USP25: variants seen among roughly 807,000 people sequenced by gnomAD.
USP25 encodes ubiquitin specific peptidase 25.
Under a neutral mutation model 158.5 loss-of-function variants are expected in USP25, and 85 were observed. That is an observed-to-expected ratio of 0.54 (90% CI 0.45 to 0.64). The LOEUF (loss-of-function observed/expected upper bound fraction) is 0.64. Ranked by LOEUF, USP25 falls within the 30% of genes least tolerant of loss-of-function variation. USP25 has a pLI of 0.00. For synonymous variants in USP25, 464 were observed against 460.4 expected (o/e 1.01, Z -0.10); for missense variants, 1,242 against 1,327.3 (o/e 0.94, Z 1.00).
chr21:15,873,780 G>C (rs138128832), intron 23 of USP25, among the ~76,000 whole-genome samples: 8,650 of 152,132 alleles, frequency 0.057, 265 homozygotes, highest in Middle Eastern at 0.096. Flanking sequence ...GGTGTGAGCC[G>C]CCGCACCCGG....
chr21:15,820,956 A>T (rs2037201980), intron 10 of USP25, among the ~76,000 whole-genome samples: 1 of 151,982 alleles, frequency 6.6e-6, no homozygotes, highest in South Asian at 2.1e-4. Context: ...GTTAAACATG[A>T]TTATATCCAA....
At chr21:15,739,365 G>A (rs540731949) in intron 1 of USP25, among the ~76,000 whole-genome samples, 22 of 152,160 alleles carry the variant, frequency 1.4e-4, no homozygotes, top group Non-Finnish European at 2.1e-4. Flanking sequence ...TTAACTAAAA[G>A]ATATTGTAGT....
chr21:15,730,884 G>GGGC (rs756579398), intron 1 of USP25, among the ~76,000 whole-genome samples: 3 of 151,978 alleles, frequency 2.0e-5, no homozygotes, highest in Admixed American at 6.5e-5. Context: ...CTGCCTCGCG[G>GGGC]GGCAGGCGTG....
At chr21:15,791,941 G>A (rs919614868) in intron 5 of USP25, among the ~76,000 whole-genome samples, 1 of 151,584 alleles carries the variant, frequency 6.6e-6, no homozygotes, top group Non-Finnish European at 1.5e-5. Context: ...TTGTTGGGGT[G>A]GAAAGAGTTT....
intron 1 of USP25, among the ~76,000 whole-genome samples, chr21:15,741,920 CTT>C (rs888744052): frequency 7.9e-5 from 12 of 152,262 alleles, no homozygotes; most frequent in Non-Finnish European, 1.3e-4. Flanking sequence ...AAATTTATCT[CTT>C]TAACAATTAA....
chr21:15,756,051 GA>G (rs2033352676), intron 1 of USP25, among the ~76,000 whole-genome samples: 1 of 152,172 alleles, frequency 6.6e-6, no homozygotes, highest in Non-Finnish European at 1.5e-5. Context: ...TTGTTATATA[GA>G]TAAAGTCTCT....
At chr21:15,783,611 T>C (rs1297912542) in intron 4 of USP25, among the ~76,000 whole-genome samples, 1 of 151,522 alleles carries the variant, frequency 6.6e-6, no homozygotes, top group Non-Finnish European at 1.5e-5. Flanking sequence ...AAATAAAATA[T>C]AAAAATAAAA....
At chr21:15,874,963 G>A (rs905028091) in intron 24 of USP25, among the ~76,000 whole-genome samples, 1 of 152,086 alleles carries the variant, frequency 6.6e-6, no homozygotes, top group Non-Finnish European at 1.5e-5. Flanking sequence ...TCAGGAGATC[G>A]AGACCATCCT....
intron 1 of USP25, among the ~76,000 whole-genome samples, chr21:15,738,046 T>C (rs993984859): frequency 6.6e-6 from 1 of 152,204 alleles, no homozygotes. Context: ...GTAAATGATT[T>C]TAAAAAGTTC....
Position 15,831,402 on chromosome 21 carries a change from T to C in USP25, c.1766T>C (p.Val589Ala). 6.2e-7 allele frequency: 1 copy of C among 1,613,880 alleles called. No individual in the cohort carries two copies. Among genetic ancestry groups the C allele is most frequent in the Non-Finnish European group, 8.5e-7 (1 of 1,179,794 alleles). ...LMYSDKSMIQVPYRLHAVLVH... is the reference protein window; with the variant it reads ...LMYSDKSMIQAPYRLHAVLVH... The stretch of plus-strand genomic sequence containing the variant: ...AACTCTTCTTTTTTTCACATTTAGG[T>C]TCCTTATCGATTACATGCCGTTTTA... Residue 589 changes from valine (V) to alanine (A), a missense_variant and splice_region_variant, in exon 16 of 26, where the codon GTT becomes GCT. By Grantham distance (64) the Val-to-Ala change is moderately conservative (BLOSUM62 0). Around this residue, in one of 3 missense-constraint regions of USP25, gnomAD observed 627 missense variants for 701.4 expected, o/e 0.89. Transcript: ENST00000400183.
chr21:15,839,000 G>GA (rs2038198133), intron 17 of USP25, among the ~76,000 whole-genome samples: 1 of 152,130 alleles, frequency 6.6e-6, no homozygotes, highest in South Asian at 2.1e-4. Flanking sequence ...AGCATGGCCG[G>GA]AAAATCACTC....
chr21:15,816,020 G>A lies in USP25; in HGVS notation c.932-2678G>A, dbSNP rs930328496. Among the ~76,000 whole-genome samples the A allele has an allele frequency of 6.6e-6, 1 of 152,168 alleles. No individual in the cohort carries two copies. ...AGGACATGAGATTTGGAGGGGCTAGGGCTGGAATGATGTGGTTCAGCTGTG... is the reference window on the plus strand; with the variant it reads ...AGGACATGAGATTTGGAGGGGCTAGAGCTGGAATGATGTGGTTCAGCTGTG... On this transcript the variant is annotated intron_variant, in intron 9 of 25. Transcript: ENST00000400183. This position sits in a 1 kb window ranked among gnomAD's most constrained non-coding sequence, Gnocchi z 4.0.
intron 23 of USP25, 46 bp downstream of exon 23, chr21:15,870,193 T>C (rs374472380): frequency 5.7e-6 from 8 of 1,414,804 alleles, no homozygotes; most frequent in Non-Finnish European, 7.9e-6. Flanking sequence ...TTTTTGCACT[T>C]AATTCTATTC....
chr21:15,751,041 G>A (rs2032977694), intron 1 of USP25, among the ~76,000 whole-genome samples: 1 of 152,206 alleles, frequency 6.6e-6, no homozygotes, highest in Non-Finnish European at 1.5e-5. Flanking sequence ...TAGAACAAAG[G>A]AGATTTGGTG....
chr21:15,870,642 A>G (rs2039846920), intron 23 of USP25, among the ~76,000 whole-genome samples: 1 of 152,226 alleles, frequency 6.6e-6, no homozygotes. Context: ...ATTTTGCTTT[A>G]CTTACATTTT....
chr21:15,761,511 G>A (rs1460519852), intron 1 of USP25, among the ~76,000 whole-genome samples: 2 of 152,190 alleles, frequency 1.3e-5, no homozygotes, highest in African/African-American at 4.8e-5. Context: ...AAGCATATAT[G>A]CACTAAGAGG....
At position 15,866,253 on chromosome 21, in the gene USP25, G is replaced by GTT; in HGVS notation, c.2727-5_2727-4dup. 1.8e-5 allele frequency: 26 copies of GTT among 1,471,438 alleles called. No homozygotes were observed. The highest frequency in any genetic ancestry group is 5.7e-5 in the African/African-American group (4 of 70,534). The allele number at this position is 1,471,438 out of a possible 1,614,324, so 91.1% of individuals were successfully genotyped here. On this transcript the variant is annotated splice_polypyrimidine_tract_variant and intron_variant, in intron 21 of 25. Coordinates refer to ENST00000400183, the MANE Select transcript of USP25 (RefSeq NM_001283041.3). Reference sequence around the variant, plus strand: ...CATACACACACGCTCATATGTATGTGTTTTTTTTTAAGGTGTCACAACATA... The same window carrying GTT: ...CATACACACACGCTCATATGTATGTGTTTTTTTTTTTAAGGTGTCACAACATA...
intron 17 of USP25, among the ~76,000 whole-genome samples, chr21:15,840,198 A>G (rs767652492): frequency 2.0e-5 from 3 of 152,122 alleles, no homozygotes; most frequent in Non-Finnish European, 2.9e-5. Context: ...TTCAAGACTC[A>G]TCTAAGTTAG....
At chr21:15,809,995 G>A (rs1377957527) in intron 8 of USP25, among the ~76,000 whole-genome samples, 1 of 152,104 alleles carries the variant, frequency 6.6e-6, no homozygotes, top group African/African-American at 2.4e-5. Context: ...AGGCTGGGGG[G>A]AGGGGGAGAT....
Sources: allele counts gnomAD v4.1 joint callset (sites outside exome capture counted in the v4.1 genomes callset), GRCh38; gene constraint gnomAD v4.1.1; regional missense constraint gnomAD v4.1.1; non-coding constraint Gnocchi (gnomAD v3.1); transcripts MANE v1.5; gene names NCBI Gene and HGNC (gene_info 2026-07-23, HGNC 2026-07-21).